NT5E: variants seen among roughly 807,000 people sequenced by gnomAD.
NT5E encodes the protein 5'-nucleotidase.
A neutral mutation model predicts 55.1 loss-of-function variants in NT5E; 53 were observed. The ratio of observed to expected loss-of-function variants is 0.96; its 90% CI spans 0.77 to 1.21. The LOEUF is 1.21. NT5E is among the 50% of genes most tolerant of loss of function. The probability of loss-of-function intolerance (pLI) is 0.00; values close to 1 mark genes in which losing one functional copy is unlikely to be tolerated. For missense variants in NT5E, 683 were observed against 724.3 expected, an observed-to-expected ratio of 0.94 and a Z score of 0.65; for synonymous variants, 270 against 278.4, an observed-to-expected ratio of 0.97 and a Z score of 0.30.
chr6:85,483,341 A>G (rs1353268350), intron 3 of NT5E, among the ~76,000 whole-genome samples: 2 of 152,216 alleles, frequency 1.3e-5, no homozygotes, highest in South Asian at 2.1e-4. Context: ...AGGCTGCCAT[A>G]ACTACCTGGT....
intron 1 of NT5E, among the ~76,000 whole-genome samples, chr6:85,459,869 C>G (rs1769059188): frequency 6.6e-6 from 1 of 152,148 alleles, no homozygotes; most frequent in Non-Finnish European, 1.5e-5. Flanking sequence ...TCATATGAAT[C>G]AACGATCAAA....
rs949721481 is a variant in NT5E, at chr6:85,450,634, A to G, written c.339+156A>G. On this transcript the variant is annotated intron_variant, in intron 1 of 8. Coordinates refer to ENST00000257770, the MANE Select transcript of NT5E (RefSeq NM_002526.4). This position sits in a 1 kb window ranked among gnomAD's most constrained non-coding sequence, Gnocchi z 4.0. Reference sequence around the variant, plus strand: ...TCCGGCCAGTGTGCCAGCTGGATGCATAGAAGTCCCTTGGACGATTCGTCT... The same window carrying G: ...TCCGGCCAGTGTGCCAGCTGGATGCGTAGAAGTCCCTTGGACGATTCGTCT... Among the ~76,000 whole-genome samples the G allele has an allele frequency of 7.2e-5, 11 of 152,216 alleles. No individual in the cohort carries two copies. The South Asian group carries it at 8.3e-4, about 11-fold the overall frequency.
rs552340916 is a variant in NT5E, at chr6:85,459,331, G to A, written c.340-7729G>A. On this transcript the variant is annotated intron_variant, in intron 1 of 8. Transcript: ENST00000257770. ...CTCAGCCCTTAACGAATGAGCTAGC[G>A]TGTAAGTGACTAGCTAAATAAATGT... 7.9e-5 allele frequency among the ~76,000 whole-genome samples: 12 copies of A among 152,306 alleles called. No homozygotes were observed. The East Asian group carries it at 1.7e-3, about 22-fold the overall frequency.
chr6:85,450,951 C>T lies in NT5E; in HGVS notation c.339+473C>T, dbSNP rs1768845185. Among the ~76,000 whole-genome samples, 1 of 152,182 alleles carries T rather than the reference C, an allele frequency of 6.6e-6. No homozygotes were observed. The highest frequency in any genetic ancestry group is 6.5e-5 in the Admixed American group (1 of 15,278). On this transcript the variant is annotated intron_variant, in intron 1 of 8. Coordinates refer to ENST00000257770, the MANE Select transcript of NT5E (RefSeq NM_002526.4). The surrounding 1 kb of genome is among the most constrained non-coding windows in gnomAD (Gnocchi z 4.0). Reference sequence around the variant, plus strand: ...GGCACCATCCCCGCAAAAAGGGAGACGTGATAAGAATGGACACCAGATCTC... The same window carrying T: ...GGCACCATCCCCGCAAAAAGGGAGATGTGATAAGAATGGACACCAGATCTC...
chr6:85,488,591 T>A (rs1235606543), intron 5 of NT5E, among the ~76,000 whole-genome samples: 6 of 151,440 alleles, frequency 4.0e-5, no homozygotes, highest in African/African-American at 1.2e-4. Flanking sequence ...TTAATTTATT[T>A]ATTTATTGAG....
chr6:85,482,822 C>G (rs1160010522), intron 3 of NT5E, among the ~76,000 whole-genome samples: 1 of 152,166 alleles, frequency 6.6e-6, no homozygotes, highest in African/African-American at 2.4e-5. Flanking sequence ...ATGTGAAGCC[C>G]TGGACTGGTT....
chr6:85,480,112 A>T (rs568399304), intron 3 of NT5E, among the ~76,000 whole-genome samples: 1 of 152,288 alleles, frequency 6.6e-6, no homozygotes, highest in African/African-American at 2.4e-5. Flanking sequence ...CTCCGTGAAG[A>T]TCTGTTGAAT....
chr6:85,490,529 T>G lies in NT5E; in HGVS notation c.1232T>G (p.Leu411Arg), dbSNP rs1451486201. ...TCAGGCACAATTACCTGGGAGAACC[T>G]GGCTGCTGTATTGCCCTTTGGAGGC... is the stretch of plus-strand genomic sequence containing the variant. ...RNNGTITWENLAAVLPFGGTF... is the reference protein window; with the variant it reads ...RNNGTITWENRAAVLPFGGTF... The change falls in exon 7 of 9, where the codon CTG becomes CGG. Residue 411 changes from leucine to arginine, a missense_variant. By Grantham distance (102) the Leu-to-Arg change is moderately radical (BLOSUM62 -2). Coordinates refer to ENST00000257770, the MANE Select transcript of NT5E (RefSeq NM_002526.4). 6.2e-7 allele frequency: 1 copy of G among 1,614,230 alleles called. No individual in the cohort carries two copies. The highest frequency in any genetic ancestry group is 8.5e-7 in the Non-Finnish European group (1 of 1,180,022).
Position 85,479,892 on chromosome 6 carries a change from A to G in NT5E, c.752-5343A>G, listed in dbSNP as rs534864492. ...TAGAAGCCTGTTCTATAATGTAAGAAGTGAATAGGAATCCTAGTATCTGGA... is the reference window on the plus strand; with the variant it reads ...TAGAAGCCTGTTCTATAATGTAAGAGGTGAATAGGAATCCTAGTATCTGGA... On this transcript the variant is annotated intron_variant, in intron 3 of 8. Transcript: ENST00000257770. Among the ~76,000 whole-genome samples, 3 of 152,334 alleles carry G rather than the reference A, an allele frequency of 2.0e-5. No homozygotes were observed. The South Asian group carries it at 6.2e-4, about 32-fold the overall frequency.
intron 3 of NT5E, among the ~76,000 whole-genome samples, chr6:85,472,392 T>G (rs1218235604): frequency 1.3e-5 from 2 of 152,238 alleles, no homozygotes; most frequent in Admixed American, 1.3e-4. Flanking sequence ...TAATTTTTAT[T>G]TTCTTTCTAG....
chr6:85,455,127 G>A (rs923234838), intron 1 of NT5E, among the ~76,000 whole-genome samples: 2 of 152,212 alleles, frequency 1.3e-5, no homozygotes, highest in Non-Finnish European at 2.9e-5. Context: ...GAAGACCACT[G>A]TGGTATAATA....
chr6:85,461,149 C>A (rs1197134504), intron 1 of NT5E, among the ~76,000 whole-genome samples: 2 of 152,080 alleles, frequency 1.3e-5, no homozygotes, highest in African/African-American at 4.8e-5. Flanking sequence ...AATGAATGAA[C>A]AAATAAATAA....
chr6:85,467,237 A>C lies in NT5E; in HGVS notation c.517A>C (p.Ile173Leu), dbSNP rs766548365. The part of the protein sequence containing the change: ...VLPVGDEVVG[I>L]VGYTSKETPF... ...TCCTGTTGGTGATGAAGTTGTGGGA[A>C]TCGTTGGATACACTTCCAAAGAAAC... Residue 173 changes from isoleucine to leucine, a missense_variant, in exon 2 of 9, where the codon ATC becomes CTC. Ile to Leu is a conservative substitution (Grantham distance 5). Transcript: ENST00000257770. 1.2e-6 allele frequency: 2 copies of C among 1,614,064 alleles called. No individual in the cohort carries two copies. Among genetic ancestry groups the C allele is most frequent in the Non-Finnish European group, 8.5e-7 (1 of 1,180,028 alleles).
At chr6:85,487,525 G>T (rs754924710) in intron 5 of NT5E, 36 bp downstream of exon 5, 1 of 1,611,272 alleles carries the variant, frequency 6.2e-7, no homozygotes, top group Non-Finnish European at 8.5e-7. Flanking sequence ...ATGCTAGGGA[G>T]GAAGGAAAGG....
At chr6:85,462,333 T>C (rs1769113880) in intron 1 of NT5E, among the ~76,000 whole-genome samples, 1 of 152,164 alleles carries the variant, frequency 6.6e-6, no homozygotes, top group Non-Finnish European at 1.5e-5. Flanking sequence ...CCCTGACTCC[T>C]TGGACACCAT....
chr6:85,456,283 TC>T (rs773705117), intron 1 of NT5E, among the ~76,000 whole-genome samples: 2 of 152,182 alleles, frequency 1.3e-5, no homozygotes, highest in East Asian at 3.9e-4. Flanking sequence ...ACTTGCTTGT[TC>T]CCTAGTCGTA....
At chr6:85,476,999 G>T (rs1001914945) in intron 3 of NT5E, among the ~76,000 whole-genome samples, 1 of 152,080 alleles carries the variant, frequency 6.6e-6, no homozygotes, top group Non-Finnish European at 1.5e-5. Flanking sequence ...CAGGCTTGAG[G>T]GTGGAGCCAT....
At chr6:85,456,448 G>A (rs2127754140) in intron 1 of NT5E, among the ~76,000 whole-genome samples, 1 of 152,298 alleles carries the variant, frequency 6.6e-6, no homozygotes, top group East Asian at 1.9e-4. Flanking sequence ...GTCTGAAGTG[G>A]GGGCAGTCTT....
In NT5E at chr6:85,450,503, A is replaced by G. The variant is rs745988935; in HGVS notation, c.339+25A>G. ...GGTAAGACCCGAGCCCGCGCCCGGG[A>G]TAGTAGTCCCGGACTGAGAGAGGAG... On this transcript the variant is annotated intron_variant, in intron 1 of 8. Transcript: ENST00000257770. This position sits in a 1 kb window ranked among gnomAD's most constrained non-coding sequence, Gnocchi z 4.0. The G allele has an allele frequency of 4.7e-5, 74 of 1,559,770 alleles. 1 individual carries two copies. Among genetic ancestry groups the G allele is most frequent in the Non-Finnish European group, 6.0e-5 (69 of 1,149,738 alleles).
Sources: gnomAD v4.1 joint callset for allele counts (sites outside exome capture counted in the v4.1 genomes callset) on GRCh38, gnomAD v4.1.1 for gene constraint, Gnocchi (gnomAD v3.1) non-coding constraint, MANE v1.5 for transcripts, NCBI Gene and HGNC (gene_info 2026-07-23, HGNC 2026-07-21) for gene names.